The following NBPF20 variants were observed in gnomAD, a reference collection of about 807,000 sequenced individuals.
NBPF20 encodes NBPF family member NBPF20.
In NBPF20, 90 loss-of-function variants were observed where a neutral mutation model predicts 68.1. That is an observed-to-expected ratio of 1.32 (90% CI 1.11 to 1.58). The LOEUF (loss-of-function observed/expected upper bound fraction) is 1.58, where lower values mean the gene tolerates loss of function less well. NBPF20 is among the 40% of genes most tolerant of loss of function. The probability of loss-of-function intolerance (pLI) is 0.00; values close to 1 mark genes in which losing one functional copy is unlikely to be tolerated. For synonymous variants in NBPF20, 290 were observed against 228.1 expected (o/e 1.27, Z -2.45); for missense variants, 816 against 601.2 (o/e 1.36, Z -3.74).
chr1:145,408,600 A>T (rs1662898663), upstream of NBPF20, among the ~76,000 whole-genome samples: 1 of 151,718 alleles, frequency 6.6e-6, no homozygotes, highest in African/African-American at 2.4e-5. Flanking sequence ...TGCTTATTCT[A>T]GGTTCTTTGA....
chr1:145,396,802 G>A (rs1476440912), intron 7 of NBPF20, among the ~76,000 whole-genome samples: 2 of 147,582 alleles, frequency 1.4e-5, no homozygotes, highest in African/African-American at 2.5e-5. Context: ...AAGTCTTAGG[G>A]TACATGTGCA....
chr1:145,291,402 C>G lies in NBPF20; in HGVS notation c.*124G>C, dbSNP rs497410. On this transcript the variant is annotated 3_prime_UTR_variant, in exon 138 of 138. Coordinates refer to ENST00000369373, the Ensembl canonical transcript of NBPF20. ...CTGGCATGGTTTGAGAATAGGAATA[C>G]AGCCATGCCCACTGACCCATCCTAT... 7.9e-3 allele frequency: 12,616 copies of G among 1,587,818 alleles called. 1,010 individuals are homozygous for G. In the African/African-American group the frequency reaches 0.15, roughly 19 times the overall value.
chr1:145,419,723 C>T, the NBPF20 span, among the ~76,000 whole-genome samples: 5 of 152,254 alleles, frequency 3.3e-5, no homozygotes, highest in South Asian at 2.1e-4. Context: ...CTTTCTCCCC[C>T]TCTCAATGCC....
chr1:145,403,418 T>C, intron 2 of NBPF20, 100 bp from the exon 8 acceptor site: 1 of 867,526 alleles, frequency 1.2e-6, no homozygotes, highest in Non-Finnish European at 1.9e-6. Flanking sequence ...AGGACAAAAC[T>C]CTCCCCAGTA....
the NBPF20 span, among the ~76,000 whole-genome samples, chr1:145,422,721 G>T: frequency 3.3e-5 from 5 of 152,186 alleles, no homozygotes; most frequent in Non-Finnish European, 7.3e-5. Context: ...GGGTGGGGTG[G>T]CTCATGCCTG....
At chr1:145,395,618 C>G (rs1662192497) in intron 7 of NBPF20, among the ~76,000 whole-genome samples, 1 of 150,002 alleles carries the variant, frequency 6.7e-6, no homozygotes, top group South Asian at 2.1e-4. Context: ...AGCCAACATA[C>G]TACCAACAAA....
chr1:145,400,341 TTCC>T (rs1662461321), intron 6 of NBPF20, 45 bp downstream of exon 11: 1 of 1,610,740 alleles, frequency 6.2e-7, no homozygotes, highest in Non-Finnish European at 8.5e-7. Flanking sequence ...AGAGTTTATC[TTCC>T]TCAGCCTAGA....
chr1:145,392,943 C>A lies in NBPF20; in HGVS notation c.1216+131G>T, dbSNP rs1475491266. 3.7e-5 allele frequency: 13 copies of A among 352,192 alleles called. 2 individuals carry two copies. The highest frequency in any genetic ancestry group is 9.0e-4 in the Middle Eastern group (1 of 1,112). 21.8% of individuals were successfully genotyped at this position (352,192 alleles called of 1,614,324 possible). A position where few individuals can be genotyped will look rare whatever the true frequency, so the allele number is the denominator to read the frequency against. On this transcript the variant is annotated intron_variant, in intron 10 of 137. Coordinates refer to ENST00000369373, the Ensembl canonical transcript of NBPF20. Reference sequence around the variant, plus strand: ...CAAGTGGAACTAGAGTTTCATTCAACCTACATGTGCCTATAGGACCTCCCT... The same window carrying A: ...CAAGTGGAACTAGAGTTTCATTCAAACTACATGTGCCTATAGGACCTCCCT...
intron 107 of NBPF20, among the ~76,000 whole-genome samples, chr1:145,315,801 GGAGA>G: frequency 4.7e-5 from 1 of 21,286 alleles, no homozygotes; most frequent in Non-Finnish European, 7.2e-5. Context: ...GGAGAGGAAG[GGAGA>G]GAGAGAGAGA....
At chr1:145,311,899 C>T (rs1425305686) in intron 112 of NBPF20, among the ~76,000 whole-genome samples, 1 of 112,564 alleles carries the variant, frequency 8.9e-6, no homozygotes, top group Non-Finnish European at 1.8e-5. Context: ...ATGAAATCTA[C>T]AAGATCTACA....
chr1:145,394,815 G>T (rs1419916896), intron 8 of NBPF20, among the ~76,000 whole-genome samples, 163 bp downstream of exon 13: 1 of 152,238 alleles, frequency 6.6e-6, no homozygotes, highest in Non-Finnish European at 1.5e-5. Context: ...CCATGCCTGT[G>T]CTTCAGACTC....
chr1:145,297,703 T>A (rs1661322455), intron 130 of NBPF20: 1 of 9,814 alleles, frequency 1.0e-4, no homozygotes, highest in Admixed American at 5.8e-4. Context: ...TTGTCACATC[T>A]GCCCAGGTCC....
exon 138 of NBPF20, chr1:145,291,522 C>T (rs782514570): frequency 1.9e-6 from 3 of 1,611,994 alleles, no homozygotes; most frequent in Admixed American, 1.7e-5. Flanking sequence ...TTAGTAAGGG[C>T]TGTTTATTGT....
At chr1:145,378,145 AC>A in intron 28 of NBPF20, 51 bp from the exon 34 acceptor site, 1 of 111,626 alleles carries the variant, frequency 9.0e-6, no homozygotes, top group Non-Finnish European at 1.6e-5. Flanking sequence ...TCTCCTACAC[AC>A]ATAACAATCC....
upstream of NBPF20, among the ~76,000 whole-genome samples, chr1:145,408,385 T>A (rs1558984209): frequency 6.6e-6 from 1 of 152,022 alleles, no homozygotes; most frequent in Non-Finnish European, 1.5e-5. Context: ...TTTTGATGGA[T>A]TTCTTATGAA....
At chr1:145,402,521 G>T in intron 3 of NBPF20, 140 bp from the exon 9 acceptor site, 5 of 751,250 alleles carry the variant, frequency 6.7e-6, no homozygotes, top group Non-Finnish European at 1.2e-5. Context: ...GAATGTCTGT[G>T]GCCAAGAGAA....
chr1:145,393,051 C>A, intron 10 of NBPF20, 23 bp downstream of exon 15: 2 of 508,686 alleles, frequency 3.9e-6, no homozygotes, highest in East Asian at 4.2e-5. Context: ...GGATCCTTAT[C>A]ACCTTCATAG....
chr1:145,394,602 G>C (rs1157246864), intron 8 of NBPF20, among the ~76,000 whole-genome samples: 1 of 151,940 alleles, frequency 6.6e-6, no homozygotes, highest in Non-Finnish European at 1.5e-5. Flanking sequence ...CATGCTTTGG[G>C]AACAAAACTC....
the NBPF20 span, among the ~76,000 whole-genome samples, chr1:145,415,316 G>A: frequency 8.6e-5 from 13 of 151,978 alleles, no homozygotes; most frequent in South Asian, 2.1e-4. Context: ...GCTTTACACC[G>A]AGACATTCCA....
Sources: allele counts gnomAD v4.1 joint callset (sites outside exome capture counted in the v4.1 genomes callset), GRCh38; gene constraint gnomAD v4.1.1; transcripts MANE v1.5; gene names NCBI Gene and HGNC (gene_info 2026-07-23, HGNC 2026-07-21).